The following ANK1 variants were observed in gnomAD, a reference collection of about 807,000 sequenced individuals.
ANK1 encodes ankyrin-1.
ANK1 carries 51 observed loss-of-function variants against 210.4 expected under a neutral mutation model. The observed-to-expected ratio is 0.24, with a 90% confidence interval of 0.19 to 0.31. The LOEUF (loss-of-function observed/expected upper bound fraction) is 0.31, where lower values mean the gene tolerates loss of function less well. Among genes scored for constraint, ANK1 ranks in the 10% least tolerant of loss-of-function variants. ANK1 has a pLI of 1.00. For missense variants in ANK1, 2,051 were observed against 2,504.4 expected (o/e 0.82, Z 3.86); for synonymous variants, 967 against 1,025.9 (o/e 0.94, Z 1.10).
chr8:41,765,066 C>G (rs887456261), intron 1 of ANK1, among the ~76,000 whole-genome samples: 1 of 150,776 alleles, frequency 6.6e-6, no homozygotes, highest in Non-Finnish European at 1.5e-5. Flanking sequence ...CCCTTCCTTC[C>G]TTCCTTCTTT....
chr8:41,881,918 G>A (rs903120588), intron 1 of ANK1, among the ~76,000 whole-genome samples: 2 of 152,200 alleles, frequency 1.3e-5, no homozygotes, highest in Non-Finnish European at 2.9e-5. Context: ...ATGGAGAGAA[G>A]ATCAGCCACA....
chr8:41,655,736 GGGTGTCGA>G lies in ANK1; in HGVS notation c.*46_*53del. ...GCAGAGTGTGTGGGGTTCAGGGGTT[GGGTGTCGA>G]GGTGTGATCCTGGGAGACACAAAGA... is the stretch of plus-strand genomic sequence containing the variant. On this transcript the variant is annotated 3_prime_UTR_variant, in exon 43 of 43. Coordinates refer to ENST00000289734, the MANE Select transcript of ANK1 (RefSeq NM_000037.4). The G allele has an allele frequency of 6.2e-7, 1 of 1,614,134 alleles. No homozygotes were observed. Among genetic ancestry groups the G allele is most frequent in the Admixed American group, 1.7e-5 (1 of 60,026 alleles).
rs17603470 is a variant in ANK1, at chr8:41,724,200, A to T, written c.711+256T>A. On this transcript the variant is annotated intron_variant, in intron 7 of 42. Transcript: ENST00000289734. Reference sequence around the variant, plus strand: ...AACAGACTGCAGGAAAGTCAGTTATATGGAAATCACTCTCTGCCCTCCAGG... The same window carrying T: ...AACAGACTGCAGGAAAGTCAGTTATTTGGAAATCACTCTCTGCCCTCCAGG... Among the ~76,000 whole-genome samples the T allele has an allele frequency of 0.041, 6,310 of 152,290 alleles. 169 individuals are homozygous for T. Among genetic ancestry groups the T allele is most frequent in the Non-Finnish European group, 0.056 (3,776 of 68,016 alleles).
rs181905023 is a variant in ANK1, at chr8:41,693,885, G to T, written c.3532+13C>A. On this transcript the variant is annotated intron_variant, in intron 29 of 42. Coordinates refer to ENST00000289734, the MANE Select transcript of ANK1 (RefSeq NM_000037.4). ...GCAGCCGAGAACAGAAGCGAGGCAG[G>T]GGCCCCTCTCACCAATGACGCTGCA... 476 of 1,597,748 alleles carry T rather than the reference G, an allele frequency of 3.0e-4. No homozygotes were observed. In the African/African-American group the frequency reaches 3.8e-3, roughly 13 times the overall value.
At chr8:41,789,840 T>C (rs1393616024) in intron 1 of ANK1, among the ~76,000 whole-genome samples, 1 of 152,184 alleles carries the variant, frequency 6.6e-6, no homozygotes, top group Non-Finnish European at 1.5e-5. Context: ...AGATGAAATA[T>C]ATAAAGAAAG....
chr8:41,763,866 CTTCTTTCTTTTTTTCT>C (rs1563702835), intron 1 of ANK1, among the ~76,000 whole-genome samples: 3 of 116,718 alleles, frequency 2.6e-5, no homozygotes, highest in Non-Finnish European at 3.6e-5. Context: ...TTCTTTCTTT[CTTCTTTCTTTTTTTCT>C]TTTTTTCTTT....
chr8:41,849,360 C>T (rs1810722126), intron 1 of ANK1, among the ~76,000 whole-genome samples: 1 of 152,180 alleles, frequency 6.6e-6, no homozygotes, highest in Non-Finnish European at 1.5e-5. Context: ...CCCGTCTCTA[C>T]TAAAAATACA....
intron 27 of ANK1, 141 bp downstream of exon 27, chr8:41,695,036 C>T (rs558601946): frequency 2.9e-5 from 35 of 1,227,822 alleles, no homozygotes; most frequent in Non-Finnish European, 4.0e-5. Flanking sequence ...CCTGGGGACC[C>T]AGGGCTTGTC....
chr8:41,822,443 TA>T (rs1163976571), intron 1 of ANK1, among the ~76,000 whole-genome samples: 1 of 152,244 alleles, frequency 6.6e-6, no homozygotes, highest in African/African-American at 2.4e-5. Flanking sequence ...CTTCTATCAG[TA>T]AAAATATTTT....
intron 6 of ANK1, among the ~76,000 whole-genome samples, chr8:41,724,760 G>A (rs539886304): frequency 6.6e-6 from 1 of 152,212 alleles, no homozygotes; most frequent in Non-Finnish European, 1.5e-5. Flanking sequence ...TGAGCAACCC[G>A]AATTATATGT....
chr8:41,655,305 C>CTTTT lies in ANK1; in HGVS notation c.*481_*484dup, dbSNP rs5891167. On this transcript the variant is annotated 3_prime_UTR_variant, in exon 43 of 43. Transcript: ENST00000289734. ...TTAAACTGATTTCATGCCTAGTTTTCTTTTTTTTTTTTTTCTTTCCAGGAA... is the reference window on the plus strand; with the variant it reads ...TTAAACTGATTTCATGCCTAGTTTTCTTTTTTTTTTTTTTTTTTCTTTCCAGGAA... 5 of 145,450 alleles carry CTTTT rather than the reference C, an allele frequency of 3.4e-5. No homozygotes were observed. The highest frequency in any genetic ancestry group is 4.3e-5 in the Non-Finnish European group (3 of 68,976). The allele number at this position is 145,450 out of a possible 1,614,324, so 9.0% of individuals were successfully genotyped here. A position where few individuals can be genotyped will look rare whatever the true frequency, so the allele number is the denominator to read the frequency against.
chr8:41,689,476 C>T (rs1818670715), intron 33 of ANK1, among the ~76,000 whole-genome samples: 1 of 152,010 alleles, frequency 6.6e-6, no homozygotes, highest in African/African-American at 2.4e-5. Flanking sequence ...ATCTCATGCC[C>T]AAAAAGAAAA....
In ANK1 at chr8:41,679,558, C is replaced by CTTTTTTT. The variant is rs869249907; in HGVS notation, c.4537+4979_4537+4985dup. Among the ~76,000 whole-genome samples the CTTTTTTT allele has an allele frequency of 3.2e-3, 292 of 90,166 alleles. 2 individuals carry two copies. The highest frequency in any genetic ancestry group is 4.5e-3 in the Non-Finnish European group (223 of 49,594). 59.2% of individuals were successfully genotyped at this position (90,166 alleles called of 152,430 possible). ...AGCTGTCTTGGTCTTCCTGGACTTTCTTTTTTTTTTTTTTTTTTTTTTGAG... is the reference window on the plus strand; with the variant it reads ...AGCTGTCTTGGTCTTCCTGGACTTTCTTTTTTTTTTTTTTTTTTTTTTTTTTTTTGAG... On this transcript the variant is annotated intron_variant, in intron 37 of 42. Transcript: ENST00000289734.
At chr8:41,699,410 C>G in intron 23 of ANK1, 42 bp downstream of exon 23, 1 of 1,579,474 alleles carries the variant, frequency 6.3e-7, no homozygotes, top group Non-Finnish European at 8.7e-7. Context: ...CACAGGGTTG[C>G]ATCTCGGCAC....
chr8:41,791,429 TTCTC>T (rs780168638), intron 1 of ANK1, among the ~76,000 whole-genome samples: 11 of 150,786 alleles, frequency 7.3e-5, no homozygotes, highest in Non-Finnish European at 1.3e-4. Flanking sequence ...GGCACTAACT[TTCTC>T]TCTCTCTTTC....
intron 38 of ANK1, among the ~76,000 whole-genome samples, chr8:41,671,809 G>A (rs573530904): frequency 5.3e-4 from 75 of 142,524 alleles, no homozygotes; most frequent in African/African-American, 2.0e-3. Context: ...AGCACTCCAG[G>A]CACCCTAATG....
chr8:41,654,023 G>C lies in ANK1; in HGVS notation c.*1767C>G, dbSNP rs1337166937. 6.6e-6 allele frequency: 1 copy of C among 152,266 alleles called. No homozygotes were observed. The highest frequency in any genetic ancestry group is 1.5e-5 in the Non-Finnish European group (1 of 68,018). The allele number at this position is 152,266 out of a possible 1,614,324, so 9.4% of individuals were successfully genotyped here. On this transcript the variant is annotated 3_prime_UTR_variant, in exon 43 of 43. Transcript: ENST00000289734. The stretch of plus-strand genomic sequence containing the variant: ...CCGCGGCCAGGGGGCCTCTGACGTG[G>C]AGGGGGCTTCTGTGCTACTTGGAAG...
At chr8:41,727,425 C>T in intron 4 of ANK1, 77 bp from the exon 5 acceptor site, 1 of 1,014,670 alleles carries the variant, frequency 9.9e-7, no homozygotes, top group Non-Finnish European at 1.6e-6. Flanking sequence ...CGTCCTCTCA[C>T]CTGGAGGACA....
At chr8:41,734,240 C>G (rs1412590419) in intron 2 of ANK1, among the ~76,000 whole-genome samples, 171 bp from the exon 3 acceptor site, 1 of 152,176 alleles carries the variant, frequency 6.6e-6, no homozygotes, top group Non-Finnish European at 1.5e-5. Flanking sequence ...ACCCAGCCTC[C>G]CCTTCACGCC....
Sources: gnomAD v4.1 joint callset for allele counts (sites outside exome capture counted in the v4.1 genomes callset) on GRCh38, gnomAD v4.1.1 for gene constraint, MANE v1.5 for transcripts, NCBI Gene and HGNC (gene_info 2026-07-23, HGNC 2026-07-21) for gene names.